Variants in THAP9 observed in about 807,000 individuals in gnomAD.
The protein encoded by THAP9 is THAP domain containing 9, also known as DNA transposase THAP9.
A neutral mutation model predicts 35.7 loss-of-function variants in THAP9; 20 were observed. The ratio of observed to expected loss-of-function variants is 0.56; its 90% CI spans 0.39 to 0.81. The LOEUF (loss-of-function observed/expected upper bound fraction) is 0.81. Ranked by LOEUF, THAP9 falls within the 40% of genes least tolerant of loss-of-function variation. THAP9 has a pLI of 0.00. For missense variants in THAP9, 870 were observed against 1,047.4 expected (o/e 0.83, Z 2.34); for synonymous variants, 335 against 373.7 (o/e 0.90, Z 1.19).
chr4:82,916,826 T>C, intron 4 of THAP9, 118 bp from the exon 5 acceptor site: 1 of 761,160 alleles, frequency 1.3e-6, no homozygotes, highest in Non-Finnish European at 1.9e-6. Context: ...ATTTGGCTGC[T>C]TATATACTTG....
rs1262455171 is a variant in THAP9 at position 82,907,854 on chromosome 4, G to A, written c.650G>A (p.Cys217Tyr). ...EYSAEMKQFA[C>Y]TLYLCSSKVY... ...TCCGCAGAAATGAAACAATTTGCAT[G>A]TACACTCTACTTGTGCAGTAGCAAA... The change falls in exon 4 of 5, where the codon TGT becomes TAT. Residue 217 changes from cysteine to tyrosine, a missense_variant. Physicochemically the swap from Cys to Tyr is radical, Grantham distance 194 (BLOSUM62 -2). Around this residue, in one of 3 missense-constraint regions of THAP9, gnomAD observed 440 missense variants for 501.2 expected, o/e 0.88. Coordinates refer to ENST00000302236, the MANE Select transcript of THAP9 (RefSeq NM_024672.6). The A allele has an allele frequency of 1.2e-6, 2 of 1,611,236 alleles. No individual in the cohort carries two copies. The highest frequency in any genetic ancestry group is 1.3e-5 in the African/African-American group (1 of 74,976).
chr4:82,909,205 C>G (rs1338511442), intron 4 of THAP9, among the ~76,000 whole-genome samples: 1 of 152,004 alleles, frequency 6.6e-6, no homozygotes, highest in Non-Finnish European at 1.5e-5. Flanking sequence ...GTGCCCAGCC[C>G]AGATTCCTTT....
At chr4:82,908,062 T>A in intron 4 of THAP9, 127 bp downstream of exon 4, 1 of 975,098 alleles carries the variant, frequency 1.0e-6, no homozygotes, top group Non-Finnish European at 1.5e-6. Flanking sequence ...TTATTAAGGC[T>A]ATTAGTACTC....
At chr4:82,902,580 C>T (rs1720470054) in intron 1 of THAP9, among the ~76,000 whole-genome samples, 1 of 152,180 alleles carries the variant, frequency 6.6e-6, no homozygotes, top group Non-Finnish European at 1.5e-5. Context: ...GACCAGCCAA[C>T]TTTTGAGGGT....
chr4:82,914,625 T>A (rs1720980009), intron 4 of THAP9, among the ~76,000 whole-genome samples: 2 of 152,238 alleles, frequency 1.3e-5, no homozygotes, highest in Admixed American at 6.5e-5. Context: ...GTATGTCTTT[T>A]GAAAAGTGTC....
intron 1 of THAP9, chr4:82,901,246 G>A: frequency 2.0e-6 from 1 of 496,512 alleles, no homozygotes; most frequent in South Asian, 1.6e-5. Flanking sequence ...CTGAGCACGA[G>A]TACAGATCAG....
chr4:82,902,963 G>GT (rs1338123040), intron 1 of THAP9, among the ~76,000 whole-genome samples: 1 of 152,178 alleles, frequency 6.6e-6, no homozygotes, highest in Non-Finnish European at 1.5e-5. Context: ...TTAAATACAG[G>GT]TTTTCCAATT....
intron 1 of THAP9, among the ~76,000 whole-genome samples, chr4:82,904,063 T>A (rs1720539253): frequency 1.1e-5 from 1 of 92,692 alleles, no homozygotes; most frequent in African/African-American, 4.3e-5. Context: ...TCCCCCTTTT[T>A]TTTTTTTTTT....
chr4:82,901,402 C>T (rs968049413), intron 1 of THAP9, among the ~76,000 whole-genome samples: 2 of 152,268 alleles, frequency 1.3e-5, no homozygotes, highest in South Asian at 2.1e-4. Flanking sequence ...TCAGTCTTAT[C>T]TGAACTCATA....
rs1721148494 is a variant in THAP9, at chr4:82,918,999, T to TA, written c.*76dup. ...TTTTGAAGTTCAATTTACCATATTT[T>TA]ATAAATTGCGCATTCTGCACAGTGG... On this transcript the variant is annotated 3_prime_UTR_variant, in exon 5 of 5. Transcript: ENST00000302236. 1 of 1,271,708 alleles carries TA rather than the reference T, an allele frequency of 7.9e-7. No individual in the cohort carries two copies. The highest frequency in any genetic ancestry group is 1.5e-5 in the African/African-American group (1 of 66,678). The allele number at this position is 1,271,708 out of a possible 1,614,324, so 78.8% of individuals were successfully genotyped here. A position where few individuals can be genotyped will look rare whatever the true frequency, so the allele number is the denominator to read the frequency against.
At chr4:82,908,953 A>G (rs751982137) in intron 4 of THAP9, among the ~76,000 whole-genome samples, 20 of 149,512 alleles carry the variant, frequency 1.3e-4, no homozygotes, top group Non-Finnish European at 2.5e-4. Context: ...CGCTCAGGCT[A>G]CAGTGCAGTG....
At chr4:82,916,878 T>G in intron 4 of THAP9, 66 bp from the exon 5 acceptor site, 10 of 1,416,510 alleles carry the variant, frequency 7.1e-6, no homozygotes, top group Non-Finnish European at 8.5e-6. Flanking sequence ...TAATAGTGCT[T>G]AAGGCATTTT....
intron 4 of THAP9, among the ~76,000 whole-genome samples, 180 bp from the exon 5 acceptor site, chr4:82,916,764 T>C (rs1436531671): frequency 6.6e-6 from 1 of 152,256 alleles, no homozygotes; most frequent in Non-Finnish European, 1.5e-5. Flanking sequence ...TTTCTAAGTT[T>C]ATCTTACTAT....
At position 82,917,422 on chromosome 4, in the gene THAP9, T is replaced by C. The variant is rs1721074281; in HGVS notation, c.1210T>C (p.Ser404Pro). The C allele has an allele frequency of 1.9e-6, 3 of 1,614,040 alleles. No individual in the cohort carries two copies. The East Asian group carries it at 6.7e-5, about 36-fold the overall frequency. ...GAAATGTACATTTCAGCATCCTTCA[T>C]CTTCTAGTCAACAGATTGCATACTT... ...DMKCTFQHPS[S>P]SSQQIAYFFD... is the part of the protein sequence containing the mutation. Residue 404 changes from serine (S) to proline (P), a missense_variant, in exon 5 of 5, where the codon TCT (serine) becomes CCT (proline). Physicochemically the swap from Ser to Pro is moderately conservative, Grantham distance 74. This residue lies in a region of THAP9 where 440 missense variants were observed against 501.2 expected (regional missense o/e 0.88). Transcript: ENST00000302236.
chr4:82,903,655 TCTA>T (rs1720520178), intron 1 of THAP9: 1 of 152,648 alleles, frequency 6.6e-6, no homozygotes, highest in Non-Finnish European at 1.5e-5. Context: ...TGTCTTGTTT[TCTA>T]CTGCTGCATA....
At chr4:82,905,697 C>A (rs962033445) in intron 2 of THAP9, among the ~76,000 whole-genome samples, 6 of 152,102 alleles carry the variant, frequency 3.9e-5, no homozygotes, top group African/African-American at 1.2e-4. Flanking sequence ...TATATACTTA[C>A]TATATATGTG....
intron 2 of THAP9, chr4:82,905,887 T>C: frequency 2.2e-6 from 1 of 456,268 alleles, no homozygotes; most frequent in South Asian, 1.5e-5. Context: ...TTGTAGAGCT[T>C]ATGTGACAGC....
intron 2 of THAP9, chr4:82,905,725 C>T: frequency 2.7e-6 from 1 of 376,820 alleles, no homozygotes; most frequent in South Asian, 2.0e-5. Context: ...TGCTTGCTTT[C>T]ATACTTTTGT....
chr4:82,913,407 A>G (rs1720931927), intron 4 of THAP9: 2 of 152,204 alleles, frequency 1.3e-5, no homozygotes, highest in Admixed American at 1.3e-4. Flanking sequence ...CACATATGCA[A>G]CACAGTTAGC....
Sources: allele counts gnomAD v4.1 joint callset (sites outside exome capture counted in the v4.1 genomes callset), GRCh38; gene constraint gnomAD v4.1.1; regional missense constraint gnomAD v4.1.1; transcripts MANE v1.5; gene names NCBI Gene and HGNC (gene_info 2026-07-23, HGNC 2026-07-21).